Variants in GALNTL6 observed in about 807,000 individuals in gnomAD.
GALNTL6 encodes the protein polypeptide N-acetylgalactosaminyltransferase like 6.
A neutral mutation model predicts 73.7 loss-of-function variants in GALNTL6; 46 were observed. The observed-to-expected ratio is 0.62, with a 90% confidence interval of 0.49 to 0.80. The LOEUF is 0.80. Among genes scored for constraint, GALNTL6 ranks in the 30% least tolerant of loss-of-function variants. The pLI is 0.00. For missense variants in GALNTL6, 604 were observed against 755.0 expected, an observed-to-expected ratio of 0.80 and a Z score of 2.34; for synonymous variants, 259 against 263.7, an observed-to-expected ratio of 0.98 and a Z score of 0.17.
chr4:172,826,428 C>T (rs1742271962), intron 7 of GALNTL6, among the ~76,000 whole-genome samples: 1 of 152,206 alleles, frequency 6.6e-6, no homozygotes, highest in Non-Finnish European at 1.5e-5. Context: ...CAAGGAAGCC[C>T]ACACATCTAA....
intron 2 of GALNTL6, among the ~76,000 whole-genome samples, chr4:171,931,085 A>G (rs1738169470): frequency 6.6e-6 from 1 of 152,218 alleles, no homozygotes; most frequent in Non-Finnish European, 1.5e-5. Context: ...TTTGGTTTGA[A>G]TTCCTAGTAG....
At chr4:172,768,221 T>TG (rs1357418383) in intron 5 of GALNTL6, among the ~76,000 whole-genome samples, 2 of 152,110 alleles carry the variant, frequency 1.3e-5, no homozygotes, top group Non-Finnish European at 2.9e-5. Context: ...TATATAAACA[T>TG]GAAAGAGACA....
intron 5 of GALNTL6, among the ~76,000 whole-genome samples, chr4:172,533,203 G>A (rs35765504): frequency 0.016 from 2,397 of 151,356 alleles, 22 homozygotes; most frequent in Non-Finnish European, 0.028. Context: ...AGTAGAGATG[G>A]GGTTTTACCA....
In GALNTL6 at chr4:172,563,536, T is replaced by A. The variant is rs1186275140; in HGVS notation, c.553+214847T>A. ...TAAAATCTTTAAGATTTCCTTTTAC[T>A]ATAATTGTGTTAGTTACTATACTCA... On this transcript the variant is annotated intron_variant, in intron 5 of 12. Coordinates refer to ENST00000506823, the MANE Select transcript of GALNTL6 (RefSeq NM_001034845.3). 2.0e-5 allele frequency among the ~76,000 whole-genome samples: 3 copies of A among 152,226 alleles called. No homozygotes were observed. The East Asian group carries it at 5.8e-4, about 29-fold the overall frequency.
chr4:172,239,223 G>A (rs546604326), intron 3 of GALNTL6, among the ~76,000 whole-genome samples: 2 of 152,228 alleles, frequency 1.3e-5, no homozygotes, highest in South Asian at 4.1e-4. Flanking sequence ...AATCCATCTG[G>A]ACATGGACTT....
chr4:172,801,755 C>T (rs190194951), intron 5 of GALNTL6, among the ~76,000 whole-genome samples: 38 of 152,178 alleles, frequency 2.5e-4, no homozygotes, highest in African/African-American at 9.2e-4. Context: ...CAAAGCTATC[C>T]TGAAAATATA....
chr4:172,189,629 G>C (rs115956995), intron 2 of GALNTL6, among the ~76,000 whole-genome samples: 3,317 of 152,168 alleles, frequency 0.022, 117 homozygotes, highest in African/African-American at 0.072. Flanking sequence ...TCTTTCATTA[G>C]TCACAGACAT....
intron 10 of GALNTL6, among the ~76,000 whole-genome samples, chr4:172,995,886 T>C (rs1751756193): frequency 6.6e-6 from 1 of 152,248 alleles, no homozygotes; most frequent in Non-Finnish European, 1.5e-5. Flanking sequence ...TCAGCCAAGC[T>C]GGCTTTTGGT....
rs192621424 is a variant in GALNTL6 at position 171,853,006 on chromosome 4, C to A, written c.138+38288C>A. Among the ~76,000 whole-genome samples, 9 of 136,234 alleles carry A rather than the reference C, an allele frequency of 6.6e-5. No homozygotes were observed. In the East Asian group the frequency reaches 1.7e-3, roughly 25 times the overall value. 89.4% of individuals were successfully genotyped at this position (136,234 alleles called of 152,430 possible). ...GGACTACAGGCGCCGCCACCACGCCCGGCTAATTTTTTTTTTTTTTTTTTT... is the reference window on the plus strand; with the variant it reads ...GGACTACAGGCGCCGCCACCACGCCAGGCTAATTTTTTTTTTTTTTTTTTT... On this transcript the variant is annotated intron_variant, in intron 2 of 12. Transcript: ENST00000506823.
At chr4:172,540,900 TAGAGTTTGA>T (rs1413193096) in intron 5 of GALNTL6, among the ~76,000 whole-genome samples, 12 of 152,186 alleles carry the variant, frequency 7.9e-5, no homozygotes, top group African/African-American at 2.9e-4. Flanking sequence ...TGTCTGTTTT[TAGAGTTTGA>T]AAGGTATGAG....
At chr4:172,357,329 T>C (rs576916650) in intron 5 of GALNTL6, among the ~76,000 whole-genome samples, 1 of 152,232 alleles carries the variant, frequency 6.6e-6, no homozygotes, top group South Asian at 2.1e-4. Context: ...ATTCTGTCTT[T>C]ATCCTGGAAA....
intron 5 of GALNTL6, among the ~76,000 whole-genome samples, chr4:172,518,656 A>G (rs968312117): frequency 1.3e-5 from 2 of 151,964 alleles, no homozygotes; most frequent in African/African-American, 4.8e-5. Context: ...TCGAATTAAT[A>G]ACTCATTATA....
At chr4:172,810,455 T>C (rs1026659325) in intron 6 of GALNTL6, among the ~76,000 whole-genome samples, 1 of 152,230 alleles carries the variant, frequency 6.6e-6, no homozygotes, top group African/African-American at 2.4e-5. Flanking sequence ...TCAACTTTTA[T>C]TGTAAAAATA....
chr4:172,869,456 G>C (rs1744815635), intron 7 of GALNTL6, among the ~76,000 whole-genome samples: 1 of 151,856 alleles, frequency 6.6e-6, no homozygotes, highest in East Asian at 1.9e-4. Context: ...GGCCAAGAAG[G>C]GCATGACCTG....
intron 5 of GALNTL6, among the ~76,000 whole-genome samples, chr4:172,715,768 C>G (rs1735040017): frequency 6.6e-6 from 1 of 152,076 alleles, no homozygotes; most frequent in East Asian, 1.9e-4. Flanking sequence ...GTTGTTAGAT[C>G]CATTTTCAGT....
rs550201515 is a variant in GALNTL6, at chr4:172,178,510, A to C, written c.139-51146A>C. On this transcript the variant is annotated intron_variant, in intron 2 of 12. Transcript: ENST00000506823. ...GTTCAACTCCTACTTATGAGTAAGA[A>C]TATGTAGTGTTTGGTTTTCTGTTCC... Among the ~76,000 whole-genome samples the C allele has an allele frequency of 1.0e-3, 155 of 152,112 alleles. No homozygotes were observed. In the Middle Eastern group the frequency reaches 0.014, roughly 13 times the overall value.
chr4:172,139,729 T>G (rs1733753419), intron 2 of GALNTL6, among the ~76,000 whole-genome samples: 1 of 152,226 alleles, frequency 6.6e-6, no homozygotes, highest in Non-Finnish European at 1.5e-5. Flanking sequence ...AGGATTGAAT[T>G]CTGCCCTTTT....
chr4:171,820,071 T>C (rs1370885947), intron 2 of GALNTL6, among the ~76,000 whole-genome samples: 1 of 152,070 alleles, frequency 6.6e-6, no homozygotes, highest in Admixed American at 6.5e-5. Flanking sequence ...AATGCTTGAA[T>C]GGACAACAAA....
chr4:172,252,373 A>G (rs1387975170), intron 3 of GALNTL6, among the ~76,000 whole-genome samples: 3 of 152,160 alleles, frequency 2.0e-5, no homozygotes, highest in African/African-American at 4.8e-5. Flanking sequence ...GAATGCATAT[A>G]CCGTTCAACA....
Sources: gnomAD v4.1 joint callset for allele counts (sites outside exome capture counted in the v4.1 genomes callset) on GRCh38, gnomAD v4.1.1 for gene constraint, MANE v1.5 for transcripts, NCBI Gene and HGNC (gene_info 2026-07-23, HGNC 2026-07-21) for gene names.